FBXO21: variants seen among roughly 807,000 people sequenced by gnomAD.
FBXO21 encodes F-box only protein 21.
In FBXO21, 32 loss-of-function variants were observed where a neutral mutation model predicts 76.6. That is an observed-to-expected ratio of 0.42 (90% confidence interval 0.32 to 0.56). The LOEUF (loss-of-function observed/expected upper bound fraction) is 0.56. Among genes scored for constraint, FBXO21 ranks in the 20% least tolerant of loss-of-function variants. The probability of loss-of-function intolerance (pLI) is 0.16; values close to 1 mark genes in which losing one functional copy is unlikely to be tolerated. For missense variants in FBXO21, 586 were observed against 797.3 expected (o/e 0.73, Z 3.19); for synonymous variants, 328 against 311.5 (o/e 1.05, Z -0.56).
chr12:117,161,267 C>G (rs942563609), intron 9 of FBXO21, among the ~76,000 whole-genome samples: 1 of 151,976 alleles, frequency 6.6e-6, no homozygotes, highest in African/African-American at 2.4e-5. Flanking sequence ...TGGGCAGACA[C>G]GCAGCACATG....
intron 3 of FBXO21, among the ~76,000 whole-genome samples, chr12:117,186,134 C>T (rs2135888292): frequency 6.6e-6 from 1 of 152,336 alleles, no homozygotes; most frequent in Non-Finnish European, 1.5e-5. Context: ...ATCTCGGCCT[C>T]CCAAAGTGCT....
intron 9 of FBXO21, 43 bp downstream of exon 9, chr12:117,165,442 C>A: frequency 1.3e-6 from 2 of 1,587,808 alleles, no homozygotes; most frequent in Non-Finnish European, 1.7e-6. Context: ...TCTAGGACTT[C>A]CCTTTCTAAG....
intron 11 of FBXO21, chr12:117,155,119 G>T (rs933884859): frequency 2.0e-5 from 3 of 152,272 alleles, no homozygotes; most frequent in Non-Finnish European, 2.9e-5. Flanking sequence ...TGCTTTGACA[G>T]ACATACACTG....
At chr12:117,152,282 C>T (rs1955851924) in intron 11 of FBXO21, among the ~76,000 whole-genome samples, 1 of 152,124 alleles carries the variant, frequency 6.6e-6, no homozygotes, top group African/African-American at 2.4e-5. Flanking sequence ...GCCTGGGCTA[C>T]ATGGTGAAAC....
At chr12:117,171,848 A>C (rs901510330) in intron 7 of FBXO21, among the ~76,000 whole-genome samples, 1 of 152,238 alleles carries the variant, frequency 6.6e-6, no homozygotes, top group Non-Finnish European at 1.5e-5. Context: ...CTTTCAGAAA[A>C]GCTAGACTAT....
chr12:117,152,303 C>A (rs1489578810), intron 11 of FBXO21, among the ~76,000 whole-genome samples: 1 of 151,920 alleles, frequency 6.6e-6, no homozygotes, highest in African/African-American at 2.4e-5. Flanking sequence ...CCCATTTCTA[C>A]AAAAACACAA....
chr12:117,159,170 C>T (rs901357324), intron 9 of FBXO21, among the ~76,000 whole-genome samples: 2 of 152,142 alleles, frequency 1.3e-5, no homozygotes, highest in Non-Finnish European at 2.9e-5. Context: ...TTTCAGACTG[C>T]GACGTGCTGG....
chr12:117,186,543 TC>T lies in FBXO21; in HGVS notation c.403del (p.Glu135ArgfsTer18). The T allele has an allele frequency of 6.2e-7, 1 of 1,613,178 alleles. No homozygotes were observed. Among genetic ancestry groups the T allele is most frequent in the Non-Finnish European group, 8.5e-7 (1 of 1,179,554 alleles). ...HVPCNGFSDI[E>X]NLEGPEIFFE... is the part of the protein sequence containing the mutation. Reference sequence around the variant, plus strand: ...AAAAATCTCTGGTCCTTCAAGGTTCTCAATGTCACTGAAGCCATTACAAGGA... The same window carrying T: ...AAAAATCTCTGGTCCTTCAAGGTTCTAATGTCACTGAAGCCATTACAAGGA... On this transcript the variant is annotated frameshift_variant, in exon 3 of 12. Coordinates refer to ENST00000622495, the MANE Select transcript of FBXO21 (RefSeq NM_015002.3). LOFTEE classifies it high-confidence loss of function.
intron 3 of FBXO21, among the ~76,000 whole-genome samples, chr12:117,180,794 T>A (rs1956220740): frequency 6.6e-6 from 1 of 151,922 alleles, no homozygotes; most frequent in Admixed American, 6.6e-5. Flanking sequence ...CAAGCTAATT[T>A]TTTTTTTTTT....
intron 9 of FBXO21, 137 bp from the exon 10 acceptor site, chr12:117,158,200 C>T (rs920090979): frequency 1.8e-5 from 16 of 913,476 alleles, no homozygotes; most frequent in East Asian, 1.5e-4. Context: ...CTGATCGAAC[C>T]GGTCCAGGTC....
rs752459771 is a variant in FBXO21 at position 117,144,088 on chromosome 12, A to T, written c.*1999T>A. On this transcript the variant is annotated 3_prime_UTR_variant, in exon 12 of 12. Transcript: ENST00000622495. Reference sequence around the variant, plus strand: ...AGCATTCATGAAGAAAGACATTTAAAAACAGTCTAGATACATATGTACAGC... The same window carrying T: ...AGCATTCATGAAGAAAGACATTTAATAACAGTCTAGATACATATGTACAGC... 78 of 152,654 alleles carry T rather than the reference A, an allele frequency of 5.1e-4. No individual in the cohort carries two copies. Among genetic ancestry groups the T allele is most frequent in the Non-Finnish European group, 1.0e-3 (71 of 68,038 alleles). The allele number at this position is 152,654 out of a possible 1,614,324, so 9.5% of individuals were successfully genotyped here.
chr12:117,165,765 C>A, intron 8 of FBXO21, 148 bp from the exon 9 acceptor site: 9 of 682,062 alleles, frequency 1.3e-5, no homozygotes, highest in Admixed American at 3.1e-5. Context: ...CGAAGAGATA[C>A]AATGCTCTTA....
intron 11 of FBXO21, among the ~76,000 whole-genome samples, chr12:117,150,871 C>CTGTGTGTGTGTGTGTG (rs372253197): frequency 0.044 from 5,641 of 127,634 alleles, 298 homozygotes; most frequent in African/African-American, 0.074. Context: ...TGGCCATGGA[C>CTGTGTGTGTGTGTGTG]TGTGTGTGTG....
chr12:117,167,205 G>A (rs1956063325), intron 7 of FBXO21, 128 bp from the exon 8 acceptor site: 2 of 729,408 alleles, frequency 2.7e-6, no homozygotes, highest in African/African-American at 1.8e-5. Flanking sequence ...TGAAGGTCTT[G>A]TCCAAGTTTA....
At chr12:117,146,394 A>C in intron 11 of FBXO21, 117 bp from the exon 12 acceptor site, 1 of 777,486 alleles carries the variant, frequency 1.3e-6, no homozygotes, top group Non-Finnish European at 2.1e-6. Flanking sequence ...GGAGAAGGGA[A>C]GACTGAAGAT....
chr12:117,187,411 ACT>A (rs1419543293), intron 2 of FBXO21, among the ~76,000 whole-genome samples: 6 of 130,674 alleles, frequency 4.6e-5, no homozygotes, highest in African/African-American at 1.7e-4. Flanking sequence ...CAAGAGTGAA[ACT>A]CTGTCTCAAA....
chr12:117,176,603 AG>A (rs558966244), intron 4 of FBXO21, among the ~76,000 whole-genome samples: 2 of 151,932 alleles, frequency 1.3e-5, no homozygotes, highest in Non-Finnish European at 2.9e-5. Flanking sequence ...CTTGGAGGGA[AG>A]GGGGGGTAAT....
intron 11 of FBXO21, among the ~76,000 whole-genome samples, chr12:117,152,041 C>T (rs1020061368): frequency 3.3e-5 from 5 of 151,814 alleles, no homozygotes; most frequent in Admixed American, 1.3e-4. Flanking sequence ...GTGGGAAGCA[C>T]GGGGCGAGGG....
At chr12:117,175,485 A>G (rs1956163852) in intron 4 of FBXO21, among the ~76,000 whole-genome samples, 1 of 152,202 alleles carries the variant, frequency 6.6e-6, no homozygotes, top group Non-Finnish European at 1.5e-5. Context: ...TTATGTGGGA[A>G]GCTCTCGAGT....
Sources: allele counts gnomAD v4.1 joint callset (sites outside exome capture counted in the v4.1 genomes callset), GRCh38; gene constraint gnomAD v4.1.1; transcripts MANE v1.5; gene names NCBI Gene and HGNC (gene_info 2026-07-23, HGNC 2026-07-21).